DOCK5: variants seen among roughly 807,000 people sequenced by gnomAD.
DOCK5 encodes the protein dedicator of cytokinesis protein 5.
In DOCK5, 142 loss-of-function variants were observed where a neutral mutation model predicts 251.8. That is an observed-to-expected ratio of 0.56 (90% CI 0.49 to 0.65). The LOEUF is 0.65. Among genes scored for constraint, DOCK5 ranks in the 30% least tolerant of loss-of-function variants. The probability of loss-of-function intolerance (pLI) is 0.00; values close to 1 mark genes in which losing one functional copy is unlikely to be tolerated. For missense variants in DOCK5, 2,111 were observed against 2,312.3 expected (o/e 0.91, Z 1.79); for synonymous variants, 842 against 835.5 (o/e 1.01, Z -0.13).
chr8:25,392,034 T>C, intron 43 of DOCK5, 54 bp downstream of exon 43: 1 of 1,534,802 alleles, frequency 6.5e-7, no homozygotes, highest in South Asian at 1.2e-5. Context: ...CTGAGCACGG[T>C]GGCTCACGCC....
chr8:25,295,440 T>C (rs1178702321), intron 6 of DOCK5, among the ~76,000 whole-genome samples: 2 of 151,970 alleles, frequency 1.3e-5, no homozygotes, highest in Non-Finnish European at 2.9e-5. Flanking sequence ...AAGGAATGTA[T>C]ACAAATGAAG....
chr8:25,232,959 C>T (rs1339213424), intron 1 of DOCK5, among the ~76,000 whole-genome samples: 12 of 152,042 alleles, frequency 7.9e-5, no homozygotes, highest in African/African-American at 2.7e-4. Flanking sequence ...TTCTTAGCCT[C>T]GGGTATTTTC....
intron 11 of DOCK5, 136 bp from the exon 12 acceptor site, chr8:25,308,647 G>A: frequency 1.1e-6 from 1 of 941,584 alleles, no homozygotes; most frequent in Non-Finnish European, 1.5e-6. Flanking sequence ...GAAAAATAAA[G>A]GAAAGATAGA....
intron 7 of DOCK5, among the ~76,000 whole-genome samples, chr8:25,298,386 CA>C (rs1482234998): frequency 6.6e-6 from 1 of 152,144 alleles, no homozygotes; most frequent in African/African-American, 2.4e-5. Context: ...GTAAGACAAG[CA>C]CCTCTTGGAG....
intron 1 of DOCK5, among the ~76,000 whole-genome samples, chr8:25,203,476 A>T (rs2117465183): frequency 6.6e-6 from 1 of 152,364 alleles, no homozygotes; most frequent in African/African-American, 2.4e-5. Context: ...ATCTAAGCCA[A>T]GAGCCTTGGA....
At chr8:25,234,742 T>C (rs1802752049) in intron 1 of DOCK5, among the ~76,000 whole-genome samples, 1 of 152,204 alleles carries the variant, frequency 6.6e-6, no homozygotes, top group Non-Finnish European at 1.5e-5. Flanking sequence ...GTGAATGTAT[T>C]AAAATACTCC....
chr8:25,385,364 G>T (rs1389966134), intron 40 of DOCK5, among the ~76,000 whole-genome samples: 2 of 152,170 alleles, frequency 1.3e-5, no homozygotes, highest in African/African-American at 2.4e-5. Context: ...CGGGACGTGG[G>T]GGTGGTGGCT....
At chr8:25,370,955 A>G (rs6993400) in intron 34 of DOCK5, among the ~76,000 whole-genome samples, 70,259 of 151,858 alleles carry the variant, frequency 0.46, 16,487 homozygotes, top group Middle Eastern at 0.55. Context: ...TAGTATTATT[A>G]TTATTATTAT....
In DOCK5 at chr8:25,332,239, T is replaced by G; in HGVS notation, c.1904-12T>G. 1 of 1,608,000 alleles carries G rather than the reference T, an allele frequency of 6.2e-7. No homozygotes were observed. The highest frequency in any genetic ancestry group is 8.5e-7 in the Non-Finnish European group (1 of 1,174,680). ...CTCACCTGTATCTAATGTTTGTGGT[T>G]GTTCTTCCTAGTTGACCTGTTAGGC... On this transcript the variant is annotated splice_polypyrimidine_tract_variant and intron_variant, in intron 18 of 51. Coordinates refer to ENST00000276440, the MANE Select transcript of DOCK5 (RefSeq NM_024940.8).
chr8:25,197,908 G>A (rs1050516135), intron 1 of DOCK5, among the ~76,000 whole-genome samples: 69 of 152,032 alleles, frequency 4.5e-4, no homozygotes, highest in African/African-American at 1.1e-3. Flanking sequence ...CCACCACCAT[G>A]CCCGGCTAAT....
chr8:25,291,083 A>C (rs777767447), intron 5 of DOCK5, among the ~76,000 whole-genome samples: 17 of 152,164 alleles, frequency 1.1e-4, no homozygotes, highest in Non-Finnish European at 2.1e-4. Flanking sequence ...ACTGGTATGA[A>C]ATGCAGCTGG....
chr8:25,276,913 C>T (rs1276843944), intron 4 of DOCK5: 2 of 152,128 alleles, frequency 1.3e-5, no homozygotes, highest in South Asian at 2.1e-4. Flanking sequence ...GCTCCCGTGC[C>T]TCAGGGAGGA....
At chr8:25,247,582 G>A (rs1479640644) in intron 2 of DOCK5, among the ~76,000 whole-genome samples, 1 of 151,972 alleles carries the variant, frequency 6.6e-6, no homozygotes, top group Non-Finnish European at 1.5e-5. Context: ...GCAACAGAGT[G>A]AGTCCCTGTC....
chr8:25,223,966 T>C (rs1802455722), intron 1 of DOCK5, among the ~76,000 whole-genome samples: 2 of 152,214 alleles, frequency 1.3e-5, no homozygotes, highest in African/African-American at 2.4e-5. Context: ...TTCTCTGTTT[T>C]ATTTACTGCT....
At chr8:25,306,635 A>C (rs1346138534) in intron 11 of DOCK5, among the ~76,000 whole-genome samples, 1 of 152,050 alleles carries the variant, frequency 6.6e-6, no homozygotes, top group African/African-American at 2.4e-5. Flanking sequence ...TGGAGCTTGC[A>C]GTGAGCCAAG....
At chr8:25,196,076 T>A (rs1801716955) in intron 1 of DOCK5, among the ~76,000 whole-genome samples, 1 of 152,206 alleles carries the variant, frequency 6.6e-6, no homozygotes, top group South Asian at 2.1e-4. Context: ...GAAAATAGAT[T>A]TAATAAACTG....
chr8:25,366,829 A>AT (rs1162238414), intron 30 of DOCK5, 41 bp from the exon 31 acceptor site: 1 of 1,524,324 alleles, frequency 6.6e-7, no homozygotes, highest in South Asian at 1.1e-5. Context: ...TATTAATGTT[A>AT]TTTTTCATTT....
Position 25,332,635 on chromosome 8 carries a change from C to T in DOCK5, c.2034C>T (p.Asn678=). The change falls in exon 20 of 52, where the codon AAC becomes AAT. Residue 678 remains asparagine (N), a synonymous_variant. Transcript: ENST00000276440. ...FLQDTLDALF[N]IMMEMSDSET... ...AAGATACACTAGATGCACTCTTTAA[C>T]ATAATGATGGAAATGTCAGACAGTG... is the stretch of plus-strand genomic sequence containing the variant. 1.7e-5 allele frequency: 28 copies of T among 1,612,326 alleles called. No individual in the cohort carries two copies. The highest frequency in any genetic ancestry group is 2.4e-5 in the Non-Finnish European group (28 of 1,179,304).
intron 44 of DOCK5, 98 bp downstream of exon 44, chr8:25,392,980 C>A: frequency 1.9e-6 from 2 of 1,036,602 alleles, no homozygotes; most frequent in Non-Finnish European, 1.5e-6. Context: ...ACCAGCTTGG[C>A]CAGCCTCCTC....
Sources: gnomAD v4.1 joint callset for allele counts (sites outside exome capture counted in the v4.1 genomes callset) on GRCh38, gnomAD v4.1.1 for gene constraint, MANE v1.5 for transcripts, NCBI Gene and HGNC (gene_info 2026-07-23, HGNC 2026-07-21) for gene names.